DOK6: variants seen among roughly 807,000 people sequenced by gnomAD.
The protein encoded by DOK6 is docking protein 6.
Under a neutral mutation model 44.0 loss-of-function variants are expected in DOK6, and 22 were observed. The ratio of observed to expected loss-of-function variants is 0.50; its 90% CI spans 0.36 to 0.71. The LOEUF is 0.71. Ranked by LOEUF, DOK6 falls within the 30% of genes least tolerant of loss-of-function variation. The pLI is 0.00. For missense variants in DOK6, 340 were observed against 416.4 expected, an observed-to-expected ratio of 0.82 and a Z score of 1.60; for synonymous variants, 166 against 145.5, an observed-to-expected ratio of 1.14 and a Z score of -1.01.
intron 1 of DOK6, among the ~76,000 whole-genome samples, chr18:69,458,984 C>T (rs1979705630): frequency 6.6e-6 from 1 of 151,782 alleles, no homozygotes; most frequent in Admixed American, 6.6e-5. Flanking sequence ...TAATCCCAGC[C>T]ACCTGGGAGG....
chr18:69,418,766 C>G (rs1978407027), intron 1 of DOK6, among the ~76,000 whole-genome samples: 1 of 152,048 alleles, frequency 6.6e-6, no homozygotes, highest in East Asian at 1.9e-4. Context: ...GCCATTATGC[C>G]TAGCCTGAGA....
chr18:69,836,159 T>G (rs186315504), intron 7 of DOK6, among the ~76,000 whole-genome samples: 1 of 152,332 alleles, frequency 6.6e-6, no homozygotes, highest in East Asian at 1.9e-4. Flanking sequence ...TTCAATTTGA[T>G]TGTTATTTTC....
intron 1 of DOK6, among the ~76,000 whole-genome samples, chr18:69,465,794 T>G (rs566717847): frequency 6.6e-6 from 1 of 152,158 alleles, no homozygotes; most frequent in Non-Finnish European, 1.5e-5. Flanking sequence ...TATAGCAGCA[T>G]GATTTATAGT....
chr18:69,589,546 A>C (rs1260005987), intron 2 of DOK6, among the ~76,000 whole-genome samples: 1 of 152,130 alleles, frequency 6.6e-6, no homozygotes, highest in Admixed American at 6.5e-5. Context: ...ATGGTCAGAT[A>C]ATCTAATCTC....
chr18:69,506,156 T>C (rs1240338129), intron 1 of DOK6, among the ~76,000 whole-genome samples: 1 of 152,136 alleles, frequency 6.6e-6, no homozygotes, highest in Non-Finnish European at 1.5e-5. Context: ...ATTTATCTTC[T>C]AATGGACAAA....
intron 6 of DOK6, among the ~76,000 whole-genome samples, chr18:69,754,480 T>TCGGA (rs1555668470): frequency 9.2e-5 from 14 of 151,784 alleles, no homozygotes; most frequent in African/African-American, 3.1e-4. Context: ...GCTGGTTAAA[T>TCGGA]CAGATTCTGC....
chr18:69,690,242 C>G (rs1045691946), intron 4 of DOK6, among the ~76,000 whole-genome samples: 2 of 151,828 alleles, frequency 1.3e-5, no homozygotes, highest in African/African-American at 4.8e-5. Flanking sequence ...CATTCCAATT[C>G]ACAGTGATCT....
At position 69,841,885 on chromosome 18, in the gene DOK6, C is replaced by T. The variant is rs1054529331; in HGVS notation, c.*502C>T. ...CATCGTAGCTGCATATAAATAAACC[C>T]AGTGACAATTAAAGGAACATGAAAT... is the stretch of plus-strand genomic sequence containing the variant. On this transcript the variant is annotated 3_prime_UTR_variant, in exon 8 of 8. Coordinates refer to ENST00000382713, the MANE Select transcript of DOK6 (RefSeq NM_152721.6). 1.3e-5 allele frequency: 2 copies of T among 157,780 alleles called. No individual in the cohort carries two copies. The highest frequency in any genetic ancestry group is 4.8e-5 in the African/African-American group (2 of 41,430). The allele number at this position is 157,780 out of a possible 1,614,324, so 9.8% of individuals were successfully genotyped here.
intron 6 of DOK6, among the ~76,000 whole-genome samples, chr18:69,756,110 G>A (rs536586370): frequency 1.3e-5 from 2 of 152,260 alleles, no homozygotes; most frequent in East Asian, 1.9e-4. Context: ...TATTTTTTAC[G>A]TGGGCTTGTT....
intron 3 of DOK6, among the ~76,000 whole-genome samples, chr18:69,622,327 G>T (rs1014587059): frequency 6.6e-6 from 1 of 152,112 alleles, no homozygotes; most frequent in African/African-American, 2.4e-5. Flanking sequence ...TTCAAGCTTC[G>T]TATTGTGGAA....
intron 1 of DOK6, among the ~76,000 whole-genome samples, chr18:69,495,072 A>G (rs1017205122): frequency 2.0e-5 from 3 of 152,180 alleles, no homozygotes; most frequent in African/African-American, 4.8e-5. Context: ...CAGGATGGGC[A>G]CCTCCAGGTG....
intron 7 of DOK6, among the ~76,000 whole-genome samples, chr18:69,795,683 C>T (rs1269070253): frequency 6.6e-6 from 1 of 152,086 alleles, no homozygotes; most frequent in African/African-American, 2.4e-5. Flanking sequence ...TAATAAAGTT[C>T]GTTCATGATA....
Position 69,805,883 on chromosome 18 carries a change from T to G in DOK6, c.857-35361T>G, listed in dbSNP as rs527985212. On this transcript the variant is annotated intron_variant, in intron 7 of 7. Coordinates refer to ENST00000382713, the MANE Select transcript of DOK6 (RefSeq NM_152721.6). ...AATGGTGCCTATCCTTTCAAACCCG[T>G]TTTTTACTTTATTATGACAGTAAAG... 6.6e-5 allele frequency among the ~76,000 whole-genome samples: 10 copies of G among 152,138 alleles called. No individual in the cohort carries two copies. In the South Asian group the frequency reaches 1.4e-3, roughly 22 times the overall value.
chr18:69,710,090 A>G (rs1161675857), intron 5 of DOK6, among the ~76,000 whole-genome samples: 1 of 152,166 alleles, frequency 6.6e-6, no homozygotes, highest in African/African-American at 2.4e-5. Flanking sequence ...GAGGTGAGAG[A>G]ATCACCTGAA....
At chr18:69,605,083 T>TGC (rs1255285776) in intron 3 of DOK6, among the ~76,000 whole-genome samples, 11 of 121,498 alleles carry the variant, frequency 9.1e-5, no homozygotes, top group African/African-American at 2.6e-4. Flanking sequence ...CCTTTGTGTG[T>TGC]GTGTGTGTGT....
rs117577703 is a variant in DOK6 at position 69,837,583 on chromosome 18, A to T, written c.857-3661A>T. 4.8e-3 allele frequency among the ~76,000 whole-genome samples: 730 copies of T among 151,924 alleles called. 16 individuals are homozygous for T. The East Asian group carries it at 0.071, about 15-fold the overall frequency. On this transcript the variant is annotated intron_variant, in intron 7 of 7. Transcript: ENST00000382713. ...GCAGGTGTTCAGCAAAAAAAAAAAAAAGTGCAAGAATATCACCCCTTTAGT... is the reference window on the plus strand; with the variant it reads ...GCAGGTGTTCAGCAAAAAAAAAAAATAGTGCAAGAATATCACCCCTTTAGT...
At chr18:69,780,328 A>C (rs1281123600) in intron 7 of DOK6, among the ~76,000 whole-genome samples, 1 of 152,200 alleles carries the variant, frequency 6.6e-6, no homozygotes, top group Non-Finnish European at 1.5e-5. Context: ...ACGGTGGCTC[A>C]TGCCTGTAAT....
At chr18:69,499,579 C>T (rs553581271) in intron 1 of DOK6, among the ~76,000 whole-genome samples, 1 of 152,280 alleles carries the variant, frequency 6.6e-6, no homozygotes, top group African/African-American at 2.4e-5. Context: ...GATTTTATCT[C>T]TATTTCATGT....
chr18:69,566,109 C>T (rs1982970852), intron 2 of DOK6, among the ~76,000 whole-genome samples: 1 of 137,384 alleles, frequency 7.3e-6, no homozygotes, highest in African/African-American at 2.6e-5. Flanking sequence ...CAGTACAGCT[C>T]GGTTTATTTA....
Sources: allele counts gnomAD v4.1 joint callset (sites outside exome capture counted in the v4.1 genomes callset), GRCh38; gene constraint gnomAD v4.1.1; transcripts MANE v1.5; gene names NCBI Gene and HGNC (gene_info 2026-07-23, HGNC 2026-07-21).